USP33: variants seen among roughly 807,000 people sequenced by gnomAD.
USP33 encodes the protein ubiquitin carboxyl-terminal hydrolase 33.
USP33 carries 46 observed loss-of-function variants against 124.2 expected under a neutral mutation model. The ratio of observed to expected loss-of-function variants is 0.37; its 90% CI spans 0.29 to 0.47. The LOEUF (loss-of-function observed/expected upper bound fraction) is 0.47, where lower values mean the gene tolerates loss of function less well. USP33 is among the 20% of genes least tolerant of loss of function. The pLI is 0.99. For synonymous variants in USP33, 350 were observed against 352.3 expected (o/e 0.99, Z 0.07); for missense variants, 851 against 1,070.6 (o/e 0.79, Z 2.86).
At chr1:77,718,503 A>G in intron 16 of USP33, 93 bp downstream of exon 16, 2 of 1,046,734 alleles carry the variant, frequency 1.9e-6, no homozygotes, top group Non-Finnish European at 1.4e-6. Context: ...CAATTCTTCA[A>G]CCAAGCAAAG....
At position 77,728,553 on chromosome 1, in the gene USP33, A is replaced by C; in HGVS notation, c.877T>G (p.Cys293Gly). Residue 293 changes from cysteine to glycine, a missense_variant, in exon 10 of 24, where the codon TGT (cysteine) becomes GGT (glycine). By Grantham distance (159) the Cys-to-Gly change is radical (BLOSUM62 -3). This residue lies in a region of USP33 where 207 missense variants were observed against 200.9 expected (regional missense o/e 1.03). Coordinates refer to ENST00000370794, the MANE Select transcript of USP33 (RefSeq NM_201624.3). ...SDVDFQSCES[C>G]SNSDRAENEN... ...TTTTCTGCTCTATCACTGTTGCTAC[A>C]AGATTCACAAGACTGAAAATCTACA... 1 of 1,614,160 alleles carries C rather than the reference A, an allele frequency of 6.2e-7. No homozygotes were observed. The highest frequency in any genetic ancestry group is 8.5e-7 in the Non-Finnish European group (1 of 1,180,028).
chr1:77,734,806 T>C (rs998365722), intron 6 of USP33, among the ~76,000 whole-genome samples: 1 of 152,192 alleles, frequency 6.6e-6, no homozygotes, highest in African/African-American at 2.4e-5. Flanking sequence ...CCCTTTTCCT[T>C]TCCATTTCAA....
At chr1:77,721,951 AG>A in intron 13 of USP33, 26 bp from the exon 14 acceptor site, 1 of 1,602,476 alleles carries the variant, frequency 6.2e-7, no homozygotes, top group Non-Finnish European at 8.5e-7. Context: ...TAGAAAAAAA[AG>A]GAAGTGTTCT....
chr1:77,734,194 G>C (rs369062147), intron 7 of USP33, among the ~76,000 whole-genome samples, 153 bp downstream of exon 7: 1 of 152,146 alleles, frequency 6.6e-6, no homozygotes, highest in South Asian at 2.1e-4. Context: ...TATACATAGA[G>C]TAACATCGTT....
At chr1:77,728,038 T>C (rs1043800328) in intron 10 of USP33, among the ~76,000 whole-genome samples, 2 of 152,218 alleles carry the variant, frequency 1.3e-5, no homozygotes, top group African/African-American at 2.4e-5. Context: ...GAGCCCAATT[T>C]TTTAGATTAC....
rs1677414310 is a variant in USP33 at position 77,728,464 on chromosome 1, A to T, written c.966T>A (p.Asp322Glu). ...CCTTTGACATTTCTGAATTGTTTTC[A>T]TCATCCTGAATTAACATTGTTGTTT... Reference protein sequence around the residue: ...NNETTMLIQDDENNSEMSKDW... With the variant: ...NNETTMLIQDEENNSEMSKDW... Residue 322 changes from aspartate (D) to glutamate (E), a missense_variant, in exon 10 of 24, where the codon GAT becomes GAA. Physicochemically the swap from Asp to Glu is conservative, Grantham distance 45. Coordinates refer to ENST00000370794, the MANE Select transcript of USP33 (RefSeq NM_201624.3). 6.2e-7 allele frequency: 1 copy of T among 1,614,008 alleles called. No individual in the cohort carries two copies. Among genetic ancestry groups the T allele is most frequent in the Non-Finnish European group, 8.5e-7 (1 of 1,179,986 alleles).
rs1222475758 is a variant in USP33 at position 77,696,179 on chromosome 1, A to G, written c.*1138T>C. On this transcript the variant is annotated 3_prime_UTR_variant, in exon 24 of 24. Transcript: ENST00000370794. Reference sequence around the variant, plus strand: ...AATCAAGCAAATAGCAGTGCATACTATATTATTCAAAAAGACTTTATCTAT... The same window carrying G: ...AATCAAGCAAATAGCAGTGCATACTGTATTATTCAAAAAGACTTTATCTAT... The G allele has an allele frequency of 1.3e-5, 2 of 152,404 alleles. No individual in the cohort carries two copies. Among genetic ancestry groups the G allele is most frequent in the East Asian group, 3.9e-4 (2 of 5,192 alleles). 9.4% of individuals were successfully genotyped at this position (152,404 alleles called of 1,614,324 possible).
chr1:77,701,745 C>T (rs1224182807), intron 21 of USP33: 1 of 229,258 alleles, frequency 4.4e-6, no homozygotes, highest in South Asian at 1.0e-4. Context: ...TCTGGGCTCA[C>T]TGTAACCTCC....
rs1010362862 is a variant in USP33 at position 77,696,315 on chromosome 1, T to A, written c.*1002A>T. 6.6e-6 allele frequency: 1 copy of A among 152,658 alleles called. No homozygotes were observed. Among genetic ancestry groups the A allele is most frequent in the Non-Finnish European group, 1.5e-5 (1 of 68,046 alleles). 9.5% of individuals were successfully genotyped at this position (152,658 alleles called of 1,614,324 possible). ...AAAGTGCCCTAAAACTAACTCTAAG[T>A]TTTTTAGTCACTGACATTAATACTA... On this transcript the variant is annotated 3_prime_UTR_variant, in exon 24 of 24. Transcript: ENST00000370794.
intron 15 of USP33, among the ~76,000 whole-genome samples, 185 bp downstream of exon 15, chr1:77,720,987 T>C (rs1166374506): frequency 6.6e-6 from 1 of 152,208 alleles, no homozygotes; most frequent in African/African-American, 2.4e-5. Flanking sequence ...AATAAGCCTA[T>C]TAAATTTGTC....
intron 15 of USP33, chr1:77,720,254 T>G: frequency 4.3e-6 from 4 of 934,424 alleles, no homozygotes; most frequent in Non-Finnish European, 5.1e-6. Flanking sequence ...TAATCAAAAT[T>G]AATATACATT....
intron 1 of USP33, among the ~76,000 whole-genome samples, chr1:77,751,780 C>T (rs1308772665): frequency 6.6e-6 from 1 of 151,884 alleles, no homozygotes; most frequent in East Asian, 2.0e-4. Flanking sequence ...GCTCCACCTC[C>T]CGGGTTCACG....
chr1:77,708,810 T>C (rs1453665144), intron 21 of USP33, among the ~76,000 whole-genome samples: 1 of 152,148 alleles, frequency 6.6e-6, no homozygotes, highest in Non-Finnish European at 1.5e-5. Flanking sequence ...CATGTTCTTC[T>C]AATTGTATAC....
In USP33 at chr1:77,759,649, G is replaced by A. The variant is rs1038087657; in HGVS notation, c.-58C>T. The A allele has an allele frequency of 1.0e-5, 4 of 399,194 alleles. No individual in the cohort carries two copies. Among genetic ancestry groups the A allele is most frequent in the African/African-American group, 8.2e-5 (4 of 48,638 alleles). The allele number at this position is 399,194 out of a possible 1,614,324, so 24.7% of individuals were successfully genotyped here. The stretch of plus-strand genomic sequence containing the variant: ...CCAGCAGCGCCGCGCTCACCTCCAC[G>A]GCCTGGCCCGCGGGACCCGCCAGCT... On this transcript the variant is annotated 5_prime_UTR_variant, in exon 1 of 24. Transcript: ENST00000370794.
intron 6 of USP33, 76 bp downstream of exon 6, chr1:77,735,980 G>A (rs1447723526): frequency 9.1e-7 from 1 of 1,094,480 alleles, no homozygotes; most frequent in Non-Finnish European, 1.3e-6. Context: ...TCCACATTTT[G>A]AAACTTTTAC....
At chr1:77,716,824 G>GC (rs1384603763) in intron 17 of USP33, among the ~76,000 whole-genome samples, 2 of 151,436 alleles carry the variant, frequency 1.3e-5, no homozygotes, top group African/African-American at 2.4e-5. Flanking sequence ...GCCTGACTGC[G>GC]CCCCCACAAA....
intron 1 of USP33, among the ~76,000 whole-genome samples, chr1:77,743,305 A>G (rs931862300): frequency 1.3e-5 from 2 of 151,902 alleles, no homozygotes; most frequent in Admixed American, 6.6e-5. Flanking sequence ...ATTAGTAAAT[A>G]CATTTTTTTT....
intron 3 of USP33, 83 bp downstream of exon 3, chr1:77,741,293 A>G (rs1300876658): frequency 1.7e-5 from 23 of 1,351,188 alleles, no homozygotes; most frequent in Non-Finnish European, 1.8e-5. Flanking sequence ...CACTTTAAGT[A>G]TCAAAAATTT....
chr1:77,717,928 A>C lies in USP33; in HGVS notation c.1857T>G (p.Ser619Arg). ...GATCATATGTCACAATTTGAGCTGG[A>C]CTATCCTTAGCAAGAAATGGCTGAA... Reference protein sequence around the residue: ...LDLQPFLAKDSPAQIVTYDLL... With the variant: ...LDLQPFLAKDRPAQIVTYDLL... The change falls in exon 17 of 24, where the codon AGT becomes AGG. Residue 619 changes from serine to arginine, a missense_variant. Transcript: ENST00000370794. The C allele has an allele frequency of 6.2e-7, 1 of 1,614,034 alleles. No individual in the cohort carries two copies.
Sources: allele counts gnomAD v4.1 joint callset (sites outside exome capture counted in the v4.1 genomes callset), GRCh38; gene constraint gnomAD v4.1.1; regional missense constraint gnomAD v4.1.1; transcripts MANE v1.5; gene names NCBI Gene and HGNC (gene_info 2026-07-23, HGNC 2026-07-21).